The following DDX4 variants were observed in gnomAD, a reference collection of about 807,000 sequenced individuals.
DDX4 encodes probable ATP-dependent RNA helicase DDX4.
DDX4 carries 25 observed loss-of-function variants against 100.0 expected under a neutral mutation model. The ratio of observed to expected loss-of-function variants is 0.25; its 90% CI spans 0.18 to 0.35. The LOEUF is 0.35. Among genes scored for constraint, DDX4 ranks in the 10% least tolerant of loss-of-function variants. DDX4 has a pLI of 1.00. For missense variants in DDX4, 635 were observed against 882.4 expected (o/e 0.72, Z 3.55); for synonymous variants, 259 against 275.7 (o/e 0.94, Z 0.60).
chr5:55,797,156 A>T (rs1476827424), intron 17 of DDX4, among the ~76,000 whole-genome samples: 1 of 151,924 alleles, frequency 6.6e-6, no homozygotes, highest in Non-Finnish European at 1.5e-5. Flanking sequence ...AAACTGGAGG[A>T]TTTTTCTAAA....
At chr5:55,774,493 T>C (rs1373030596) in intron 7 of DDX4, among the ~76,000 whole-genome samples, 1 of 152,182 alleles carries the variant, frequency 6.6e-6, no homozygotes, top group African/African-American at 2.4e-5. Flanking sequence ...CTTTTCCCTT[T>C]CTTGATAGTA....
chr5:55,738,236 G>T (rs1758796591), intron 1 of DDX4, 135 bp downstream of exon 1: 2 of 152,312 alleles, frequency 1.3e-5, no homozygotes, highest in South Asian at 2.1e-4. Flanking sequence ...CTGCCTCGGG[G>T]TCTCAGAGTC....
Position 55,757,980 on chromosome 5 carries a change from G to A in DDX4, c.128-2220G>A, listed in dbSNP as rs543330230. On this transcript the variant is annotated intron_variant, in intron 3 of 21. Transcript: ENST00000505374. ...GAATTGCTTGAACCTGGGGGTCAGA[G>A]GTCGCAGTGAGCGGAAATTGTGCCA... is the stretch of plus-strand genomic sequence containing the variant. 3.9e-5 allele frequency among the ~76,000 whole-genome samples: 6 copies of A among 152,342 alleles called. No homozygotes were observed. The South Asian group carries it at 1.0e-3, about 26-fold the overall frequency.
At chr5:55,766,054 C>T (rs982105271) in intron 6 of DDX4, among the ~76,000 whole-genome samples, 3 of 150,614 alleles carry the variant, frequency 2.0e-5, no homozygotes, top group Admixed American at 6.6e-5. Context: ...CCTGACCTCA[C>T]GATCTGCCTG....
intron 4 of DDX4, among the ~76,000 whole-genome samples, chr5:55,761,518 A>G (rs1740548383): frequency 7.1e-6 from 1 of 140,744 alleles, no homozygotes; most frequent in Non-Finnish European, 1.5e-5. Context: ...ACTTTAAACA[A>G]TTAGCTTTAT....
Position 55,746,147 on chromosome 5 carries a change from TTTC to T in DDX4, c.70-11_70-9del, listed in dbSNP as rs1283825066. On this transcript the variant is annotated splice_polypyrimidine_tract_variant and intron_variant, in intron 2 of 21. Transcript: ENST00000505374. Reference sequence around the variant, plus strand: ...TTCAAAGTAGGAAACTAGTTTTTTCTTTCTTCTTTCTCACAGGATAGGTATTCT... The same window carrying T: ...TTCAAAGTAGGAAACTAGTTTTTTCTTTCTTTCTCACAGGATAGGTATTCT... 6.3e-6 allele frequency: 10 copies of T among 1,588,286 alleles called. No individual in the cohort carries two copies. The highest frequency in any genetic ancestry group is 8.5e-6 in the Non-Finnish European group (10 of 1,171,550).
chr5:55,816,807 G>T lies in DDX4; in HGVS notation c.*267G>T. On this transcript the variant is annotated 3_prime_UTR_variant, in exon 22 of 22. Coordinates refer to ENST00000505374, the MANE Select transcript of DDX4 (RefSeq NM_024415.3). Reference sequence around the variant, plus strand: ...TTATTTCTGGTATATTCTTTAGGGGGCTTAGACATGTTTAATGTTTAAATG... The same window carrying T: ...TTATTTCTGGTATATTCTTTAGGGGTCTTAGACATGTTTAATGTTTAAATG... 2 of 402,680 alleles carry T rather than the reference G, an allele frequency of 5.0e-6. No homozygotes were observed. The highest frequency in any genetic ancestry group is 8.3e-6 in the Non-Finnish European group (2 of 241,682). The allele number at this position is 402,680 out of a possible 1,614,324, so 24.9% of individuals were successfully genotyped here. A position where few individuals can be genotyped will look rare whatever the true frequency, so the allele number is the denominator to read the frequency against.
At chr5:55,738,800 A>T in intron 1 of DDX4, 150 bp from the exon 2 acceptor site, 1 of 645,452 alleles carries the variant, frequency 1.5e-6, no homozygotes, top group Non-Finnish European at 2.7e-6. Context: ...ATAAGAAGAG[A>T]CCTAATTCCT....
At chr5:55,793,065 T>TGTGTGTGTTTGTGTG (rs1160621818) in intron 17 of DDX4, among the ~76,000 whole-genome samples, 81 of 149,176 alleles carry the variant, frequency 5.4e-4, no homozygotes, top group African/African-American at 1.9e-3. Flanking sequence ...TTTGTGTGTG[T>TGTGTGTGTTTGTGTG]TGTTGTTGTT....
At chr5:55,784,999 C>T (rs1217189261) in intron 10 of DDX4, among the ~76,000 whole-genome samples, 1 of 152,176 alleles carries the variant, frequency 6.6e-6, no homozygotes. Flanking sequence ...TGGGAATGGT[C>T]TTGGGGACAC....
In DDX4 at chr5:55,786,507, T is replaced by A. The variant is rs758130103; in HGVS notation, c.865-11T>A. ...ATAGAATGTAATCACTGCTTTTTTT[T>A]AAATTTTCAGACTTTTGAAGAAGCT... On this transcript the variant is annotated splice_polypyrimidine_tract_variant and intron_variant, in intron 13 of 21. Transcript: ENST00000505374. 78 of 1,603,918 alleles carry A rather than the reference T, an allele frequency of 4.9e-5. No homozygotes were observed. The highest frequency in any genetic ancestry group is 1.1e-4 in the African/African-American group (8 of 74,490).
At chr5:55,814,858 A>T in intron 19 of DDX4, 43 bp from the exon 20 acceptor site, 1 of 1,563,866 alleles carries the variant, frequency 6.4e-7, no homozygotes, top group Non-Finnish European at 8.6e-7. Flanking sequence ...CACTTTAATG[A>T]TTTTAAGAGT....
intron 15 of DDX4, among the ~76,000 whole-genome samples, chr5:55,790,093 C>T (rs1742471078): frequency 6.6e-6 from 1 of 150,588 alleles, no homozygotes; most frequent in Non-Finnish European, 1.5e-5. Context: ...CACCTGTTCC[C>T]CCAAAAGTAT....
At chr5:55,806,756 A>G (rs138752204) in intron 18 of DDX4, among the ~76,000 whole-genome samples, 1,688 of 152,280 alleles carry the variant, frequency 0.011, 15 homozygotes, top group Non-Finnish European at 0.017. Context: ...TATGTGATCA[A>G]TTTTGGAATA....
chr5:55,743,911 CTTTT>C (rs35808138), intron 2 of DDX4, among the ~76,000 whole-genome samples: 3 of 113,466 alleles, frequency 2.6e-5, no homozygotes, highest in Non-Finnish European at 3.7e-5. Flanking sequence ...TAAAACCAGC[CTTTT>C]TTTTTTTTTT....
chr5:55,762,014 T>A (rs753006950), intron 4 of DDX4, among the ~76,000 whole-genome samples: 1 of 152,258 alleles, frequency 6.6e-6, no homozygotes, highest in African/African-American at 2.4e-5. Context: ...TAGCTTGTTA[T>A]GTCCTGTGAA....
At chr5:55,746,805 A>C (rs377573768) in intron 3 of DDX4, among the ~76,000 whole-genome samples, 4 of 151,896 alleles carry the variant, frequency 2.6e-5, no homozygotes, top group Non-Finnish European at 4.4e-5. Context: ...GGGTTGTCCA[A>C]CTCTATTTTA....
intron 17 of DDX4, 35 bp from the exon 18 acceptor site, chr5:55,798,391 A>AG (rs1743094766): frequency 6.2e-7 from 1 of 1,602,062 alleles, no homozygotes; most frequent in Non-Finnish European, 8.5e-7. Flanking sequence ...GATGGAGAGG[A>AG]GGATAAGTTA....
intron 16 of DDX4, 85 bp downstream of exon 16, chr5:55,790,790 G>C: frequency 8.5e-7 from 1 of 1,183,228 alleles, no homozygotes; most frequent in Non-Finnish European, 1.2e-6. Context: ...AAAGACAGAT[G>C]TATTTAGTAG....
Sources: gnomAD v4.1 joint callset for allele counts (sites outside exome capture counted in the v4.1 genomes callset) on GRCh38, gnomAD v4.1.1 for gene constraint, MANE v1.5 for transcripts, NCBI Gene and HGNC (gene_info 2026-07-23, HGNC 2026-07-21) for gene names.